The following GPC6 variants were observed in gnomAD, a reference collection of about 807,000 sequenced individuals.
The protein encoded by GPC6 is glypican 6, also known as glypican-6.
In GPC6, 14 loss-of-function variants were observed where a neutral mutation model predicts 55.2. The observed-to-expected ratio is 0.25, with a 90% CI of 0.17 to 0.40. GPC6 has a LOEUF of 0.40. Among genes scored for constraint, GPC6 ranks in the 10% least tolerant of loss-of-function variants. The pLI is 1.00. For missense variants in GPC6, 641 were observed against 708.5 expected (o/e 0.90, Z 1.08); for synonymous variants, 278 against 259.6 (o/e 1.07, Z -0.68).
At chr13:93,431,915 T>A (rs751463167) in intron 1 of GPC6, among the ~76,000 whole-genome samples, 5 of 152,220 alleles carry the variant, frequency 3.3e-5, no homozygotes, top group African/African-American at 9.6e-5. Flanking sequence ...TGGATGATGC[T>A]GTTTCCTAAA....
At chr13:93,463,874 G>A (rs77305513) in intron 1 of GPC6, among the ~76,000 whole-genome samples, 2,171 of 151,648 alleles carry the variant, frequency 0.014, 40 homozygotes, top group African/African-American at 0.05. Flanking sequence ...CTTTGCTTAC[G>A]TAAGTCCTCA....
intron 3 of GPC6, among the ~76,000 whole-genome samples, chr13:93,959,628 A>G (rs1202050011): frequency 6.6e-6 from 1 of 152,158 alleles, no homozygotes; most frequent in African/African-American, 2.4e-5. Context: ...TAATGGATAA[A>G]TCTATCTCTA....
intron 1 of GPC6, among the ~76,000 whole-genome samples, chr13:93,280,898 C>T (rs112560455): frequency 1.3e-5 from 2 of 152,304 alleles, no homozygotes; most frequent in African/African-American, 4.8e-5. Context: ...GGTTCGTGCT[C>T]CTATGAGAAT....
chr13:93,528,555 A>G (rs1200338168), intron 1 of GPC6, among the ~76,000 whole-genome samples: 2 of 152,190 alleles, frequency 1.3e-5, no homozygotes, highest in Non-Finnish European at 2.9e-5. Flanking sequence ...TAAAGATGAC[A>G]CATGCAAAAA....
At chr13:93,713,033 G>A (rs886753737) in intron 2 of GPC6, among the ~76,000 whole-genome samples, 1 of 151,398 alleles carries the variant, frequency 6.6e-6, no homozygotes, top group Non-Finnish European at 1.5e-5. Context: ...ATATATTTAT[G>A]TATGTATTTA....
chr13:94,104,516 A>C (rs1407308109), intron 4 of GPC6, among the ~76,000 whole-genome samples: 3 of 152,218 alleles, frequency 2.0e-5, no homozygotes, highest in Non-Finnish European at 2.9e-5. Flanking sequence ...TTAGGAAAAG[A>C]GGAAGTCAAA....
intron 3 of GPC6, among the ~76,000 whole-genome samples, chr13:93,949,453 G>A (rs1466632754): frequency 6.6e-6 from 1 of 152,150 alleles, no homozygotes; most frequent in Non-Finnish European, 1.5e-5. Flanking sequence ...TAATATTCAA[G>A]TGGCATAAAA....
At chr13:94,388,564 T>C (rs9524473) in intron 7 of GPC6, among the ~76,000 whole-genome samples, 102,599 of 152,112 alleles carry the variant, frequency 0.67, 35,260 homozygotes, top group African/African-American at 0.8. Context: ...ACTTTGTATC[T>C]TTGGTCAGCA....
intron 5 of GPC6, among the ~76,000 whole-genome samples, chr13:94,294,894 A>C (rs968950636): frequency 7.2e-5 from 11 of 152,126 alleles, no homozygotes; most frequent in Non-Finnish European, 1.5e-4. Context: ...CCAGGATTAT[A>C]AATTATTTGA....
At chr13:93,320,902 A>G (rs1267633535) in intron 1 of GPC6, among the ~76,000 whole-genome samples, 1 of 152,058 alleles carries the variant, frequency 6.6e-6, no homozygotes, top group Non-Finnish European at 1.5e-5. Context: ...TGCTAATTCA[A>G]CGAATTTCTA....
rs74483453 is a variant in GPC6, at chr13:93,303,062, A to T, written c.160+75446A>T. 2.6e-5 allele frequency among the ~76,000 whole-genome samples: 4 copies of T among 152,356 alleles called. No individual in the cohort carries two copies. In the East Asian group the frequency reaches 7.7e-4, roughly 29 times the overall value. ...GACTCTCCAGTGGGATAGACCAAAG[A>T]AGGCAACTGTATAACCATAGACTGT... On this transcript the variant is annotated intron_variant, in intron 1 of 8. Transcript: ENST00000377047.
intron 2 of GPC6, among the ~76,000 whole-genome samples, chr13:93,795,439 C>T (rs932132348): frequency 6.6e-6 from 1 of 152,140 alleles, no homozygotes; most frequent in Admixed American, 6.5e-5. Flanking sequence ...CAGAGTCCCT[C>T]GTTTTCCTAG....
intron 2 of GPC6, among the ~76,000 whole-genome samples, chr13:93,724,297 G>A (rs1157993042): frequency 6.6e-6 from 1 of 151,784 alleles, no homozygotes; most frequent in African/African-American, 2.4e-5. Flanking sequence ...TGTTCTTCTT[G>A]ATTCATCATT....
At chr13:93,577,275 G>A (rs1026357620) in intron 2 of GPC6, among the ~76,000 whole-genome samples, 1 of 152,100 alleles carries the variant, frequency 6.6e-6, no homozygotes, top group Non-Finnish European at 1.5e-5. Flanking sequence ...CTGACACAAA[G>A]GGAAGTGTGG....
At chr13:93,330,136 C>T (rs137990864) in intron 1 of GPC6, among the ~76,000 whole-genome samples, 305 of 152,274 alleles carry the variant, frequency 2.0e-3, no homozygotes, top group South Asian at 3.9e-3. Context: ...CTTCATTGTG[C>T]AAGAATGTCT....
chr13:94,163,292 G>A (rs1038707773), intron 4 of GPC6, among the ~76,000 whole-genome samples: 14 of 151,536 alleles, frequency 9.2e-5, no homozygotes, highest in South Asian at 2.1e-4. Context: ...ATCTACAGTC[G>A]TGCTGGCCAG....
At chr13:94,337,897 G>A (rs566921726) in intron 6 of GPC6, among the ~76,000 whole-genome samples, 10 of 152,068 alleles carry the variant, frequency 6.6e-5, no homozygotes, top group Admixed American at 3.3e-4. Flanking sequence ...TCCTCTTCAC[G>A]CCTGTGCCAT....
At chr13:94,145,110 A>G (rs1167571195) in intron 4 of GPC6, among the ~76,000 whole-genome samples, 1 of 150,586 alleles carries the variant, frequency 6.6e-6, no homozygotes, top group Non-Finnish European at 1.5e-5. Context: ...CACTCAACAA[A>G]TATTTATTAA....
chr13:94,191,338 T>C (rs1653745552), intron 4 of GPC6, among the ~76,000 whole-genome samples: 1 of 151,996 alleles, frequency 6.6e-6, no homozygotes, highest in African/African-American at 2.4e-5. Flanking sequence ...TTTATGGGAG[T>C]TTTGGCAGCA....
Sources: gnomAD v4.1 joint callset for allele counts (sites outside exome capture counted in the v4.1 genomes callset) on GRCh38, gnomAD v4.1.1 for gene constraint, MANE v1.5 for transcripts, NCBI Gene and HGNC (gene_info 2026-07-23, HGNC 2026-07-21) for gene names.